PHF24: variants seen among roughly 807,000 people sequenced by gnomAD.
The protein encoded by PHF24 is Galpha inhibitory interacting protein.
A neutral mutation model predicts 42.6 loss-of-function variants in PHF24; 25 were observed. The ratio of observed to expected loss-of-function variants is 0.59; its 90% CI spans 0.43 to 0.82. The LOEUF is 0.82. PHF24 is among the 40% of genes least tolerant of loss of function. The pLI is 0.00. For synonymous variants in PHF24, 185 were observed against 204.8 expected (o/e 0.90, Z 0.83); for missense variants, 470 against 538.1 (o/e 0.87, Z 1.25).
At chr9:34,765,455 T>C in the PHF24 span, among the ~76,000 whole-genome samples, 1 of 150,948 alleles carries the variant, frequency 6.6e-6, no homozygotes, top group Non-Finnish European at 1.5e-5. Context: ...CATTATGTAA[T>C]GGCCTTCTTT....
At chr9:34,930,988 A>C in the PHF24 span, among the ~76,000 whole-genome samples, 1 of 152,288 alleles carries the variant, frequency 6.6e-6, no homozygotes, top group East Asian at 1.9e-4. Context: ...TGAAGTTCTC[A>C]TGAATGGGTT....
chr9:34,813,488 CT>C, the PHF24 span, among the ~76,000 whole-genome samples: 28 of 152,132 alleles, frequency 1.8e-4, no homozygotes, highest in Non-Finnish European at 3.7e-4. Flanking sequence ...AAGGTGTTGT[CT>C]GGGCAGCATT....
chr9:34,720,926 T>C, the PHF24 span, among the ~76,000 whole-genome samples: 1 of 152,098 alleles, frequency 6.6e-6, no homozygotes, highest in Admixed American at 6.5e-5. Context: ...CCAGAATCTT[T>C]CTCCACCTCC....
the PHF24 span, chr9:34,834,971 A>G: frequency 1.4e-6 from 2 of 1,456,886 alleles, no homozygotes; most frequent in Non-Finnish European, 1.8e-6. Context: ...AGTGGCAACC[A>G]GGGACTCACT....
chr9:34,938,949 A>AAG, the PHF24 span, among the ~76,000 whole-genome samples: 1 of 150,432 alleles, frequency 6.6e-6, no homozygotes, highest in East Asian at 2.0e-4. Flanking sequence ...AAAAAAAAAA[A>AAG]AAAAAGCCAT....
chr9:34,851,250 C>T, the PHF24 span, among the ~76,000 whole-genome samples: 1 of 152,156 alleles, frequency 6.6e-6, no homozygotes, highest in African/African-American at 2.4e-5. Context: ...GTGGTGGGCT[C>T]CACCCAGTTC....
upstream of PHF24, among the ~76,000 whole-genome samples, chr9:34,955,394 A>G (rs1335124104): frequency 9.4e-6 from 1 of 106,544 alleles, no homozygotes; most frequent in African/African-American, 3.4e-5. Flanking sequence ...GGTACAGGCT[A>G]GGGCCAGCCG....
the PHF24 span, chr9:34,835,418 A>G: frequency 6.4e-7 from 1 of 1,551,502 alleles, no homozygotes; most frequent in Non-Finnish European, 8.7e-7. Context: ...ATGTACCTCA[A>G]GAAGCCTCAG....
chr9:34,666,342 C>G, the PHF24 span, among the ~76,000 whole-genome samples: 2 of 152,146 alleles, frequency 1.3e-5, no homozygotes, highest in African/African-American at 4.8e-5. Context: ...TCCTCTACCC[C>G]TCCCTGGGCT....
chr9:34,856,994 A>C, the PHF24 span, among the ~76,000 whole-genome samples: 4 of 152,242 alleles, frequency 2.6e-5, no homozygotes, highest in African/African-American at 7.2e-5. Context: ...CCACCCAGTG[A>C]GAAGGGATGG....
chr9:34,685,075 A>T, the PHF24 span, among the ~76,000 whole-genome samples: 3 of 151,972 alleles, frequency 2.0e-5, no homozygotes, highest in African/African-American at 7.3e-5. Flanking sequence ...TTGAGAGTTG[A>T]TGCTGCCTTG....
At chr9:34,959,192 A>C (rs368482142) in intron 1 of PHF24, among the ~76,000 whole-genome samples, 1 of 152,186 alleles carries the variant, frequency 6.6e-6, no homozygotes, top group Non-Finnish European at 1.5e-5. Flanking sequence ...TTGAGCCCCT[A>C]GGTTTGACCG....
At chr9:34,666,472 G>C in the PHF24 span, among the ~76,000 whole-genome samples, 2 of 151,910 alleles carry the variant, frequency 1.3e-5, no homozygotes, top group South Asian at 4.1e-4. Flanking sequence ...GAAATACCTA[G>C]TTGAGTGGCC....
chr9:34,837,192 G>A, the PHF24 span: 2 of 460,890 alleles, frequency 4.3e-6, no homozygotes, highest in East Asian at 7.0e-5. Context: ...GTATCTGGAG[G>A]AGGTTGGAGG....
the PHF24 span, among the ~76,000 whole-genome samples, chr9:34,843,065 C>A: frequency 6.6e-6 from 1 of 152,038 alleles, no homozygotes; most frequent in Non-Finnish European, 1.5e-5. Flanking sequence ...TTTTTAGAAA[C>A]CAATTGAAAA....
chr9:34,767,657 G>C, the PHF24 span, among the ~76,000 whole-genome samples: 28,890 of 152,222 alleles, frequency 0.19, 3,141 homozygotes, highest in African/African-American at 0.29. Context: ...TTGCGCTTCC[G>C]GAGTGAGGCA....
chr9:34,782,415 T>C, the PHF24 span, among the ~76,000 whole-genome samples: 3 of 152,274 alleles, frequency 2.0e-5, no homozygotes, highest in African/African-American at 7.2e-5. Context: ...GCAGTTTGCC[T>C]CCCTCACCCC....
At chr9:34,960,726 A>G (rs1223821020) in intron 1 of PHF24, among the ~76,000 whole-genome samples, 1 of 152,174 alleles carries the variant, frequency 6.6e-6, no homozygotes, top group African/African-American at 2.4e-5. Context: ...CTAATCTTGG[A>G]CCTTGGATAT....
At chr9:34,710,642 AT>A in the PHF24 span, among the ~76,000 whole-genome samples, 5 of 147,008 alleles carry the variant, frequency 3.4e-5, no homozygotes, top group Non-Finnish European at 7.5e-5. Context: ...TGATTTTTCT[AT>A]TTTTTTTTTG....
Sources: allele counts gnomAD v4.1 joint callset (sites outside exome capture counted in the v4.1 genomes callset), GRCh38; gene constraint gnomAD v4.1.1; transcripts MANE v1.5; gene names NCBI Gene and HGNC (gene_info 2026-07-23, HGNC 2026-07-21).